Variants in NBEA observed in about 807,000 individuals in gnomAD.
NBEA encodes the protein neurobeachin.
NBEA carries 44 observed loss-of-function variants against 343.4 expected under a neutral mutation model. That is an observed-to-expected ratio of 0.13 (90% CI 0.10 to 0.16). The LOEUF is 0.16. Among genes scored for constraint, NBEA ranks in the 10% least tolerant of loss-of-function variants. The pLI, the probability that NBEA is intolerant of heterozygous loss-of-function variation, is 1.00. For synonymous variants in NBEA, 1,175 were observed against 1,238.7 expected (o/e 0.95, Z 1.08); for missense variants, 2,555 against 3,631.3 (o/e 0.70, Z 7.62).
chr13:35,087,382 C>A (rs117911421), intron 10 of NBEA, among the ~76,000 whole-genome samples: 1,664 of 151,900 alleles, frequency 0.011, 13 homozygotes, highest in Non-Finnish European at 0.018. Flanking sequence ...TTTTAGAGTA[C>A]ACTCTGGAGA....
At chr13:34,955,094 C>A (rs2059452496) in intron 1 of NBEA, among the ~76,000 whole-genome samples, 2 of 152,126 alleles carry the variant, frequency 1.3e-5, no homozygotes, top group Non-Finnish European at 2.9e-5. Context: ...CCTTCACAGA[C>A]TAGGAATTAA....
At chr13:35,422,222 C>T (rs9544298) in intron 38 of NBEA, among the ~76,000 whole-genome samples, 148,190 of 150,598 alleles carry the variant, frequency 0.98, 72,952 homozygotes, top group East Asian at 1. Flanking sequence ...TATGTATACA[C>T]GTGCCATGTT....
At chr13:35,571,374 G>A (rs549974953) in intron 45 of NBEA, among the ~76,000 whole-genome samples, 1 of 152,280 alleles carries the variant, frequency 6.6e-6, no homozygotes, top group African/African-American at 2.4e-5. Flanking sequence ...AAAAAGTCAA[G>A]AGGTTGTAAC....
chr13:35,376,052 T>C (rs2152887640), intron 38 of NBEA, among the ~76,000 whole-genome samples: 1 of 152,212 alleles, frequency 6.6e-6, no homozygotes, highest in East Asian at 1.9e-4. Flanking sequence ...ATATTTATTA[T>C]TATTATTCTT....
At chr13:35,410,740 A>T (rs1224080072) in intron 38 of NBEA, among the ~76,000 whole-genome samples, 3 of 152,162 alleles carry the variant, frequency 2.0e-5, no homozygotes, top group African/African-American at 7.2e-5. Flanking sequence ...TACCCTTTAC[A>T]AACTTTTTAA....
chr13:35,613,862 A>T (rs2082625527), intron 48 of NBEA, among the ~76,000 whole-genome samples: 1 of 152,124 alleles, frequency 6.6e-6, no homozygotes, highest in Non-Finnish European at 1.5e-5. Context: ...CAGCCTCCCA[A>T]AATGCTGGGA....
intron 1 of NBEA, among the ~76,000 whole-genome samples, chr13:34,965,902 T>G (rs2059806025): frequency 1.3e-5 from 2 of 152,080 alleles, no homozygotes; most frequent in African/African-American, 4.8e-5. Flanking sequence ...AAAATGATAA[T>G]GTAGTTACAA....
intron 41 of NBEA, among the ~76,000 whole-genome samples, chr13:35,488,807 AT>A (rs1415479320): frequency 6.6e-6 from 1 of 151,934 alleles, no homozygotes; most frequent in Admixed American, 6.6e-5. Flanking sequence ...AGAACTGAAT[AT>A]TCAGTATCAC....
intron 17 of NBEA, 118 bp downstream of exon 17, chr13:35,123,692 T>G (rs768490417): frequency 5.6e-5 from 26 of 462,376 alleles, no homozygotes; most frequent in Non-Finnish European, 8.7e-5. Context: ...CGGAAAATAA[T>G]AGCTTTCTGT....
chr13:35,043,606 CAT>C lies in NBEA; in HGVS notation c.527-1340_527-1339del, dbSNP rs1447339883. 7.9e-5 allele frequency among the ~76,000 whole-genome samples: 12 copies of C among 151,756 alleles called. No individual in the cohort carries two copies. The East Asian group carries it at 1.5e-3, about 20-fold the overall frequency. Reference sequence around the variant, plus strand: ...TACATTTTTGTTGCTTCAGTGATGACATGTTTTATTTCATTAAAATATCACTC... The same window carrying C: ...TACATTTTTGTTGCTTCAGTGATGACGTTTTATTTCATTAAAATATCACTC... On this transcript the variant is annotated intron_variant, in intron 2 of 58. Transcript: ENST00000379939.
intron 41 of NBEA, among the ~76,000 whole-genome samples, chr13:35,500,568 A>T (rs2076845739): frequency 6.6e-6 from 1 of 151,644 alleles, no homozygotes; most frequent in Non-Finnish European, 1.5e-5. Context: ...TTTTTTGCCT[A>T]CTCTTTTCTC....
intron 10 of NBEA, among the ~76,000 whole-genome samples, chr13:35,077,933 C>T (rs901351985): frequency 4.6e-5 from 7 of 152,120 alleles, no homozygotes; most frequent in Non-Finnish European, 8.8e-5. Context: ...CAAATAGGGA[C>T]GGCCTCAGCA....
At chr13:35,152,699 T>G (rs528902423) in intron 18 of NBEA, among the ~76,000 whole-genome samples, 8 of 152,344 alleles carry the variant, frequency 5.3e-5, no homozygotes, top group African/African-American at 1.9e-4. Flanking sequence ...CCTCCATGCT[T>G]ATGATTCATT....
chr13:35,001,387 G>T (rs75505120), intron 1 of NBEA, among the ~76,000 whole-genome samples: 1 of 152,018 alleles, frequency 6.6e-6, no homozygotes, highest in Admixed American at 6.6e-5. Context: ...TTATTGCAGC[G>T]CTATTCACAG....
intron 47 of NBEA, among the ~76,000 whole-genome samples, chr13:35,597,647 T>A (rs1470086599): frequency 6.6e-6 from 1 of 152,180 alleles, no homozygotes; most frequent in East Asian, 1.9e-4. Flanking sequence ...GAATATTAAG[T>A]GACTCACCTA....
At chr13:35,270,187 G>C (rs2034018027) in intron 34 of NBEA, among the ~76,000 whole-genome samples, 1 of 152,026 alleles carries the variant, frequency 6.6e-6, no homozygotes, top group Non-Finnish European at 1.5e-5. Context: ...TTTCATTACA[G>C]TTAAATTCTA....
At chr13:35,036,853 T>C (rs1472220333) in intron 1 of NBEA, among the ~76,000 whole-genome samples, 1 of 152,176 alleles carries the variant, frequency 6.6e-6, no homozygotes, top group Non-Finnish European at 1.5e-5. Context: ...CTTTGGGCGC[T>C]TGATTACTAA....
intron 36 of NBEA, among the ~76,000 whole-genome samples, chr13:35,337,268 G>A (rs1421139812): frequency 1.3e-5 from 2 of 151,914 alleles, no homozygotes; most frequent in African/African-American, 4.8e-5. Context: ...CTGTGTACAG[G>A]AAACAGATTA....
At position 35,475,623 on chromosome 13, in the gene NBEA, C is replaced by T. The variant is rs960289192; in HGVS notation, c.6585+3087C>T. On this transcript the variant is annotated intron_variant, in intron 41 of 58. Coordinates refer to ENST00000379939, the MANE Select transcript of NBEA (RefSeq NM_001385012.1). ...GCCAGATCCCGGTGCATTTAAAGGC[C>T]GGCGTGATCTGCACCACGTACCTAT... 20 of 1,613,646 alleles carry T rather than the reference C, an allele frequency of 1.2e-5. No individual in the cohort carries two copies. In the Admixed American group the frequency reaches 1.8e-4, roughly 15 times the overall value.
Sources: allele counts gnomAD v4.1 joint callset (sites outside exome capture counted in the v4.1 genomes callset), GRCh38; gene constraint gnomAD v4.1.1; transcripts MANE v1.5; gene names NCBI Gene and HGNC (gene_info 2026-07-23, HGNC 2026-07-21).